Variants in GTF3C1 observed in about 807,000 individuals in gnomAD.
GTF3C1 encodes general transcription factor 3C polypeptide 1.
A neutral mutation model predicts 226.7 loss-of-function variants in GTF3C1; 57 were observed. The observed-to-expected ratio is 0.25, with a 90% confidence interval of 0.20 to 0.31. GTF3C1 has a LOEUF of 0.31. Among genes scored for constraint, GTF3C1 ranks in the 10% least tolerant of loss-of-function variants. GTF3C1 has a pLI of 1.00. For missense variants in GTF3C1, 2,217 were observed against 2,776.1 expected, an observed-to-expected ratio of 0.80 and a Z score of 4.53; for synonymous variants, 1,090 against 1,084.8, an observed-to-expected ratio of 1.00 and a Z score of -0.09.
intron 29 of GTF3C1, among the ~76,000 whole-genome samples, chr16:27,473,359 G>A (rs1434160008): frequency 6.6e-6 from 1 of 152,374 alleles, no homozygotes; most frequent in Non-Finnish European, 1.5e-5. Context: ...AGTCAGCAGA[G>A]TCTCTGTTAC....
intron 7 of GTF3C1, among the ~76,000 whole-genome samples, chr16:27,511,500 C>T (rs528320812): frequency 1.3e-5 from 2 of 152,320 alleles, no homozygotes; most frequent in East Asian, 3.9e-4. Flanking sequence ...CTCTGGAGAA[C>T]TCTAAGATGC....
chr16:27,484,191 G>A lies in GTF3C1; in HGVS notation c.4001+20C>T, dbSNP rs572819362. 15 of 1,569,954 alleles carry A rather than the reference G, an allele frequency of 9.6e-6. No individual in the cohort carries two copies. Among genetic ancestry groups the A allele is most frequent in the East Asian group, 6.7e-5 (3 of 44,462 alleles). On this transcript the variant is annotated intron_variant, in intron 25 of 36. Transcript: ENST00000356183. Reference sequence around the variant, plus strand: ...TAACGTAACCGTGTCCCGGAGTGACGGGGCTTCAATGAGGCTTACTTATAG... The same window carrying A: ...TAACGTAACCGTGTCCCGGAGTGACAGGGCTTCAATGAGGCTTACTTATAG...
At chr16:27,546,534 CCTCA>C (rs2089166975) in intron 1 of GTF3C1, among the ~76,000 whole-genome samples, 2 of 149,084 alleles carry the variant, frequency 1.3e-5, no homozygotes, top group African/African-American at 2.5e-5. Flanking sequence ...TTTTTTTTCC[CCTCA>C]CTATGTTGCC....
Position 27,464,610 on chromosome 16 carries a change from T to C in GTF3C1, c.5582A>G (p.Lys1861Arg). The change falls in exon 34 of 37, where the codon AAG becomes AGG. Residue 1861 changes from lysine (K) to arginine (R), a missense_variant. Physicochemically the swap from Lys to Arg is conservative, Grantham distance 26. Transcript: ENST00000356183. ...CTCACTGGCCCAGCTGGCGCGCCTC[T>C]TGGTGCCCCGGGGGCTGTGAGAAGG... ...APPSHSPRGT[K>R]RRASWASENG... 1 of 1,499,218 alleles carries C rather than the reference T, an allele frequency of 6.7e-7. No individual in the cohort carries two copies. The highest frequency in any genetic ancestry group is 8.9e-7 in the Non-Finnish European group (1 of 1,124,282). The allele number at this position is 1,499,218 out of a possible 1,614,324, so 92.9% of individuals were successfully genotyped here.
intron 26 of GTF3C1, 141 bp from the exon 27 acceptor site, chr16:27,481,332 A>AGTGGTT: frequency 1.5e-6 from 1 of 679,246 alleles, no homozygotes; most frequent in Non-Finnish European, 2.6e-6. Flanking sequence ...TCCCCTGGTC[A>AGTGGTT]CCTGTCATCT....
chr16:27,544,836 G>C (rs2141465577), intron 2 of GTF3C1, among the ~76,000 whole-genome samples: 1 of 152,346 alleles, frequency 6.6e-6, no homozygotes, highest in South Asian at 2.1e-4. Context: ...CGTGACCCCA[G>C]TGAAGAAGGC....
chr16:27,484,076 CT>C (rs1208494297), intron 25 of GTF3C1, 134 bp downstream of exon 25: 21 of 673,244 alleles, frequency 3.1e-5, no homozygotes, highest in Non-Finnish European at 5.6e-5. Context: ...CAAGGTCCAT[CT>C]CCCCAGCAGA....
intron 27 of GTF3C1, among the ~76,000 whole-genome samples, chr16:27,479,684 G>C (rs146063909): frequency 7.0e-4 from 107 of 152,238 alleles, no homozygotes; most frequent in African/African-American, 2.5e-3. Context: ...GGCCAGGCTG[G>C]TCTCGAATTG....
intron 24 of GTF3C1, among the ~76,000 whole-genome samples, chr16:27,485,715 G>A (rs896559852): frequency 6.6e-6 from 1 of 152,230 alleles, no homozygotes; most frequent in Non-Finnish European, 1.5e-5. Flanking sequence ...GGCAGGGTGC[G>A]CCTGTAGTCC....
At position 27,469,322 on chromosome 16, in the gene GTF3C1, G is replaced by A. The variant is rs773480821; in HGVS notation, c.5043C>T (p.Cys1681=). 5.1e-6 allele frequency: 8 copies of A among 1,580,024 alleles called. No homozygotes were observed. The South Asian group carries it at 9.2e-5, about 18-fold the overall frequency. ...NSCQMKFQLR[C]TPVPARLRPA... ...GCCTGAGCCGGGCGGGCACAGGGGTGCAGCGGAGCTGGAACTTCATCTGGC... is the reference window on the plus strand; with the variant it reads ...GCCTGAGCCGGGCGGGCACAGGGGTACAGCGGAGCTGGAACTTCATCTGGC... Residue 1681 remains cysteine, a synonymous_variant, in exon 32 of 37, where the codon TGC becomes TGT. Transcript: ENST00000356183. The surrounding 1 kb of genome is among the most constrained non-coding windows in gnomAD (Gnocchi z 4.5).
chr16:27,499,060 T>C (rs2088365217), intron 12 of GTF3C1, among the ~76,000 whole-genome samples: 1 of 152,160 alleles, frequency 6.6e-6, no homozygotes, highest in South Asian at 2.1e-4. Context: ...TGTTGCTACC[T>C]GGAGGGCTGC....
intron 23 of GTF3C1, 66 bp downstream of exon 23, chr16:27,488,161 G>GCTGT: frequency 1.4e-6 from 2 of 1,406,184 alleles, no homozygotes; most frequent in Non-Finnish European, 2.0e-6. Flanking sequence ...CTGGAGTGAG[G>GCTGT]CTGTCGCACA....
chr16:27,521,968 T>C (rs1454765910), intron 6 of GTF3C1, among the ~76,000 whole-genome samples: 3 of 152,206 alleles, frequency 2.0e-5, no homozygotes, highest in Non-Finnish European at 4.4e-5. Context: ...CTTCATATGG[T>C]TCATTTCTTT....
intron 6 of GTF3C1, among the ~76,000 whole-genome samples, chr16:27,514,044 G>A (rs1596646114): frequency 1.3e-5 from 2 of 152,192 alleles, no homozygotes; most frequent in East Asian, 1.9e-4. Context: ...TGGAACTCAG[G>A]AGATGCCTGG....
Position 27,498,660 on chromosome 16 carries a change from A to G in GTF3C1, c.2135T>C (p.Phe712Ser). ...GGCTGTGCTTGAATTGGAGATCCGGAAGCGGACCTGCTCGATGGCACTTCT... is the reference window on the plus strand; with the variant it reads ...GGCTGTGCTTGAATTGGAGATCCGGGAGCGGACCTGCTCGATGGCACTTCT... The part of the protein sequence containing the change: ...LVRSAIEQVR[F>S]RISNSSTANR... Residue 712 changes from phenylalanine to serine, a missense_variant, in exon 13 of 37, where the codon TTC becomes TCC. Phe to Ser is a radical substitution (Grantham distance 155, BLOSUM62 -2). Around this residue, in one of 12 missense-constraint regions of GTF3C1, gnomAD observed 100 missense variants for 139.9 expected, o/e 0.71. Coordinates refer to ENST00000356183, the MANE Select transcript of GTF3C1 (RefSeq NM_001520.4). The G allele has an allele frequency of 6.2e-7, 1 of 1,602,890 alleles. No individual in the cohort carries two copies. Among genetic ancestry groups the G allele is most frequent in the Non-Finnish European group, 8.5e-7 (1 of 1,169,744 alleles).
In GTF3C1 at chr16:27,461,510, G is replaced by C. The variant is rs772130435; in HGVS notation, c.6170C>G (p.Pro2057Arg). ...CACGGGTGTAGAGAAGAGCGAGACA[G>C]GCCTTGGCTTTCTCAGCCAGCGCTT... ...IRKRWLRKPR[P>R]VSLFSTPVVE... Residue 2057 changes from proline (P) to arginine (R), a missense_variant, in exon 37 of 37, where the codon CCT becomes CGT. Pro to Arg is a moderately radical substitution (Grantham distance 103). Around this residue, in one of 12 missense-constraint regions of GTF3C1, gnomAD observed 153 missense variants for 199.8 expected, o/e 0.77. Transcript: ENST00000356183. The surrounding 1 kb of genome is among the most constrained non-coding windows in gnomAD (Gnocchi z 5.3). 3 of 1,614,018 alleles carry C rather than the reference G, an allele frequency of 1.9e-6. No homozygotes were observed. Among genetic ancestry groups the C allele is most frequent in the Non-Finnish European group, 2.5e-6 (3 of 1,180,000 alleles).
chr16:27,506,923 T>C lies in GTF3C1; in HGVS notation c.1476A>G (p.Arg492=). ...AGGCTCTTGTGTCTTTCTGGGACCC[T>C]CTGCCTCTCCGCTTGCTGCTGCTCC... ...EERSSSKRRG[R]GSQKDTRASA... is the part of the protein sequence containing the mutation. The change falls in exon 9 of 37, where the codon AGA becomes AGG. Residue 492 remains arginine (R), a synonymous_variant. Coordinates refer to ENST00000356183, the MANE Select transcript of GTF3C1 (RefSeq NM_001520.4). 1 of 1,613,882 alleles carries C rather than the reference T, an allele frequency of 6.2e-7. No homozygotes were observed. The highest frequency in any genetic ancestry group is 8.5e-7 in the Non-Finnish European group (1 of 1,179,900).
intron 10 of GTF3C1, among the ~76,000 whole-genome samples, chr16:27,504,136 A>C (rs1406546114): frequency 6.6e-6 from 1 of 152,252 alleles, no homozygotes; most frequent in Non-Finnish European, 1.5e-5. Flanking sequence ...ATGCTCTGCC[A>C]AGAGCCTCCC....
At position 27,492,340 on chromosome 16, in the gene GTF3C1, A is replaced by G; in HGVS notation, c.3149T>C (p.Leu1050Pro). The stretch of plus-strand genomic sequence containing the variant: ...CAGCCGAGACAGCCGACACCCACCT[A>G]GTGGGGTGTTGAGGCAGACGCACTG... Reference protein sequence around the residue: ...DLQCVCLNTPLGVVRCPRVRK... With the variant: ...DLQCVCLNTPPGVVRCPRVRK... Residue 1050 changes from leucine (L) to proline (P), a missense_variant and splice_region_variant, in exon 19 of 37, where the codon CTA (leucine) becomes CCA (proline). This residue lies in a region of GTF3C1 where 353 missense variants were observed against 411.7 expected (regional missense o/e 0.86). Coordinates refer to ENST00000356183, the MANE Select transcript of GTF3C1 (RefSeq NM_001520.4). This position sits in a 1 kb window ranked among gnomAD's most constrained non-coding sequence, Gnocchi z 5.0. 1 of 1,569,434 alleles carries G rather than the reference A, an allele frequency of 6.4e-7. No individual in the cohort carries two copies. Among genetic ancestry groups the G allele is most frequent in the Non-Finnish European group, 8.7e-7 (1 of 1,145,136 alleles).
Sources: allele counts gnomAD v4.1 joint callset (sites outside exome capture counted in the v4.1 genomes callset), GRCh38; gene constraint gnomAD v4.1.1; regional missense constraint gnomAD v4.1.1; non-coding constraint Gnocchi (gnomAD v3.1); transcripts MANE v1.5; gene names NCBI Gene and HGNC (gene_info 2026-07-23, HGNC 2026-07-21).